AGBL4: variants seen among roughly 807,000 people sequenced by gnomAD.
AGBL4 encodes cytosolic carboxypeptidase 6.
A neutral mutation model predicts 66.4 loss-of-function variants in AGBL4; 58 were observed. The ratio of observed to expected loss-of-function variants is 0.87; its 90% CI spans 0.71 to 1.09. The LOEUF (loss-of-function observed/expected upper bound fraction) is 1.09, where lower values mean the gene tolerates loss of function less well. Ranked by LOEUF, AGBL4 falls within the 50% of genes least tolerant of loss-of-function variation. The pLI is 0.00. For synonymous variants in AGBL4, 234 were observed against 222.9 expected, an observed-to-expected ratio of 1.05 and a Z score of -0.44; for missense variants, 579 against 631.0, an observed-to-expected ratio of 0.92 and a Z score of 0.88.
At chr1:49,891,462 G>A (rs1033593536) in intron 1 of AGBL4, among the ~76,000 whole-genome samples, 10 of 152,064 alleles carry the variant, frequency 6.6e-5, no homozygotes, top group African/African-American at 9.7e-5. Flanking sequence ...CATCTAGATG[G>A]TAGAGGCCAC....
chr1:49,526,015 C>T (rs567481446), intron 3 of AGBL4, among the ~76,000 whole-genome samples: 155 of 151,926 alleles, frequency 1.0e-3, no homozygotes, highest in Non-Finnish European at 1.6e-3. Flanking sequence ...TGGCGTGAAC[C>T]CTGGGAGGTG....
chr1:48,732,280 C>G (rs958877089), intron 6 of AGBL4, among the ~76,000 whole-genome samples: 3 of 152,034 alleles, frequency 2.0e-5, no homozygotes, highest in African/African-American at 7.3e-5. Flanking sequence ...ATGTGGGCAT[C>G]TGTGAAGAGA....
chr1:49,149,028 C>T (rs762002080), intron 4 of AGBL4, among the ~76,000 whole-genome samples: 1 of 152,184 alleles, frequency 6.6e-6, no homozygotes, highest in Non-Finnish European at 1.5e-5. Flanking sequence ...TAGTCCACCA[C>T]TGACCTCTGG....
chr1:49,866,026 T>G (rs1439089406), intron 1 of AGBL4: 1 of 273,388 alleles, frequency 3.7e-6, no homozygotes, highest in Non-Finnish European at 7.6e-6. Flanking sequence ...CAAGACTATC[T>G]TGCTGAAGTA....
rs181061711 is a variant in AGBL4, at chr1:49,486,842, T to C, written c.282+210471A>G. ...TTAGAACAAAACTGCTAGCCCCATG[T>C]CTGTGTCTGAAGTTAAGAAATAGAG... On this transcript the variant is annotated intron_variant, in intron 3 of 13. Coordinates refer to ENST00000371839, the MANE Select transcript of AGBL4 (RefSeq NM_032785.4). Among the ~76,000 whole-genome samples, 292 of 152,094 alleles carry C rather than the reference T, an allele frequency of 1.9e-3. 3 individuals are homozygous for C. Among genetic ancestry groups the C allele is most frequent in the South Asian group, 1.0e-2 (48 of 4,818 alleles).
chr1:48,594,616 C>G (rs560843080), intron 9 of AGBL4, among the ~76,000 whole-genome samples: 2 of 152,156 alleles, frequency 1.3e-5, no homozygotes, highest in South Asian at 4.2e-4. Context: ...GGTTTCCTAG[C>G]TGAATTATTT....
chr1:49,700,827 C>T (rs1647076417), intron 2 of AGBL4, among the ~76,000 whole-genome samples: 1 of 151,796 alleles, frequency 6.6e-6, no homozygotes, highest in South Asian at 2.1e-4. Flanking sequence ...CAATGATTTA[C>T]ACATGTGGAT....
chr1:49,030,094 C>G (rs997961965), intron 5 of AGBL4, among the ~76,000 whole-genome samples: 4 of 152,038 alleles, frequency 2.6e-5, no homozygotes, highest in Admixed American at 6.6e-5. Flanking sequence ...GACCTTTGGC[C>G]AGGCAATTGC....
intron 4 of AGBL4, among the ~76,000 whole-genome samples, chr1:49,241,105 T>G (rs1478866604): frequency 1.3e-5 from 2 of 152,080 alleles, no homozygotes; most frequent in Non-Finnish European, 2.9e-5. Flanking sequence ...CAATCCATCA[T>G]TAGCTGTAGC....
chr1:48,827,475 G>A (rs1445393371), intron 6 of AGBL4, among the ~76,000 whole-genome samples: 1 of 152,162 alleles, frequency 6.6e-6, no homozygotes, highest in African/African-American at 2.4e-5. Flanking sequence ...GCCTACTGGG[G>A]TGAAAGCTCT....
intron 4 of AGBL4, among the ~76,000 whole-genome samples, chr1:49,164,706 C>T (rs1433702568): frequency 6.6e-6 from 1 of 152,084 alleles, no homozygotes; most frequent in Non-Finnish European, 1.5e-5. Context: ...TTTATTTTGT[C>T]ATCTGTTGCC....
chr1:48,851,927 A>G (rs890864640), intron 6 of AGBL4, among the ~76,000 whole-genome samples: 15 of 151,974 alleles, frequency 9.9e-5, no homozygotes, highest in Admixed American at 3.3e-4. Flanking sequence ...AAAACAAAAA[A>G]AGAGATATCT....
chr1:49,457,463 C>T (rs910570210), intron 3 of AGBL4, among the ~76,000 whole-genome samples: 2 of 151,724 alleles, frequency 1.3e-5, no homozygotes, highest in African/African-American at 4.8e-5. Flanking sequence ...GATATTAGCC[C>T]TTTGTTGGAT....
At chr1:48,679,401 G>T (rs550679202) in intron 6 of AGBL4, among the ~76,000 whole-genome samples, 85 of 152,286 alleles carry the variant, frequency 5.6e-4, no homozygotes, top group African/African-American at 1.9e-3. Context: ...TCAGAGAGAA[G>T]GCTGCCTGAC....
At chr1:48,568,863 G>A (rs1644516649) in intron 11 of AGBL4, among the ~76,000 whole-genome samples, 1 of 152,158 alleles carries the variant, frequency 6.6e-6, no homozygotes, top group African/African-American at 2.4e-5. Flanking sequence ...TAATAGTAAT[G>A]TTTGGATGTC....
At chr1:49,770,782 C>G (rs1377304604) in intron 2 of AGBL4, among the ~76,000 whole-genome samples, 1 of 152,040 alleles carries the variant, frequency 6.6e-6, no homozygotes, top group Admixed American at 6.6e-5. Context: ...CGTCTAAGTT[C>G]TCAAATTTGC....
intron 3 of AGBL4, among the ~76,000 whole-genome samples, chr1:49,264,215 A>T (rs2148370688): frequency 6.6e-6 from 1 of 152,236 alleles, no homozygotes; most frequent in East Asian, 1.9e-4. Context: ...AGCAAGCAGG[A>T]TCTGAAAGAT....
chr1:49,400,003 T>C (rs1314243123), intron 3 of AGBL4, among the ~76,000 whole-genome samples: 1 of 152,098 alleles, frequency 6.6e-6, no homozygotes, highest in African/African-American at 2.4e-5. Context: ...CTTTAATCCA[T>C]TTTGATTTGA....
chr1:49,943,433 G>A (rs1416414504), intron 1 of AGBL4, among the ~76,000 whole-genome samples: 6 of 152,116 alleles, frequency 3.9e-5, no homozygotes, highest in Non-Finnish European at 7.4e-5. Flanking sequence ...TGCAGGACCT[G>A]GGAAACATCC....
Sources: allele counts gnomAD v4.1 joint callset (sites outside exome capture counted in the v4.1 genomes callset), GRCh38; gene constraint gnomAD v4.1.1; transcripts MANE v1.5; gene names NCBI Gene and HGNC (gene_info 2026-07-23, HGNC 2026-07-21).